The following OSBPL5 variants were observed in gnomAD, a reference collection of about 807,000 sequenced individuals.
OSBPL5 encodes the protein oxysterol-binding protein-related protein 5.
Under a neutral mutation model 111.2 loss-of-function variants are expected in OSBPL5, and 71 were observed. The ratio of observed to expected loss-of-function variants is 0.64; its 90% CI spans 0.53 to 0.78. The LOEUF (loss-of-function observed/expected upper bound fraction) is 0.78, where lower values mean the gene tolerates loss of function less well. OSBPL5 is among the 30% of genes least tolerant of loss of function. The pLI is 0.00. For synonymous variants in OSBPL5, 549 were observed against 513.9 expected (o/e 1.07, Z -0.93); for missense variants, 1,210 against 1,189.3 (o/e 1.02, Z -0.26).
In OSBPL5 at chr11:3,107,706, C is replaced by T. The variant is rs936533206; in HGVS notation, c.866+65G>A. ...GCAGTGGCTGGGGCTGTCCTCTCCCCTCTTCCTCGCCTACAAGGAGACCCC... is the reference window on the plus strand; with the variant it reads ...GCAGTGGCTGGGGCTGTCCTCTCCCTTCTTCCTCGCCTACAAGGAGACCCC... On this transcript the variant is annotated intron_variant, in intron 8 of 21. Transcript: ENST00000263650. This position sits in a 1 kb window ranked among gnomAD's most constrained non-coding sequence, Gnocchi z 6.1. 4 of 1,579,390 alleles carry T rather than the reference C, an allele frequency of 2.5e-6. No individual in the cohort carries two copies. In the African/African-American group the frequency reaches 4.0e-5, roughly 16 times the overall value.
At chr11:3,144,620 C>T (rs12277123) in intron 1 of OSBPL5, among the ~76,000 whole-genome samples, 1,846 of 152,336 alleles carry the variant, frequency 0.012, 21 homozygotes, top group Middle Eastern at 0.024. Context: ...GGCTGAGCAG[C>T]CACACACGTG....
intron 1 of OSBPL5, among the ~76,000 whole-genome samples, chr11:3,143,567 G>A (rs906683190): frequency 2.0e-5 from 3 of 152,244 alleles, no homozygotes; most frequent in African/African-American, 7.2e-5. Context: ...ACACGGATGA[G>A]CCGCAGAGAT....
chr11:3,102,973 G>C (rs76129254), intron 11 of OSBPL5, among the ~76,000 whole-genome samples: 22,458 of 152,222 alleles, frequency 0.15, 1,880 homozygotes, highest in Admixed American at 0.21. Context: ...TTTCTTGGGG[G>C]GTGGGGAAGG....
rs1179709597 is a variant in OSBPL5 at position 3,122,176 on chromosome 11, G to A, written c.301-78C>T. Reference sequence around the variant, plus strand: ...AGCTCCTCCCACCGTCCAGCCCAGGGATGGGTCCAGGGGCAGGGGCAGGAG... The same window carrying A: ...AGCTCCTCCCACCGTCCAGCCCAGGAATGGGTCCAGGGGCAGGGGCAGGAG... On this transcript the variant is annotated intron_variant, in intron 4 of 21. Coordinates refer to ENST00000263650, the MANE Select transcript of OSBPL5 (RefSeq NM_020896.4). 2.8e-6 allele frequency: 4 copies of A among 1,452,050 alleles called. No individual in the cohort carries two copies. In the African/African-American group the frequency reaches 4.2e-5, roughly 15 times the overall value. The allele number at this position is 1,452,050 out of a possible 1,614,324, so 89.9% of individuals were successfully genotyped here.
chr11:3,096,981 G>GATGGGAGAA (rs1857281119), intron 14 of OSBPL5, among the ~76,000 whole-genome samples: 1 of 146,298 alleles, frequency 6.8e-6, no homozygotes, highest in Non-Finnish European at 1.5e-5. Flanking sequence ...AGAGGGGGAA[G>GATGGGAGAA]GTGGGAGGAG....
At chr11:3,155,473 T>TC (rs1292777722) in intron 1 of OSBPL5, among the ~76,000 whole-genome samples, 27 of 125,166 alleles carry the variant, frequency 2.2e-4, no homozygotes, top group Non-Finnish European at 3.9e-4. Flanking sequence ...TGCCACTCAC[T>TC]CCCCCCAGCT....
Position 3,141,448 on chromosome 11 carries a change from C to A in OSBPL5, c.-21-12279G>T, listed in dbSNP as rs1238426519. On this transcript the variant is annotated intron_variant, in intron 1 of 21. Transcript: ENST00000263650. The surrounding 1 kb of genome is among the most constrained non-coding windows in gnomAD (Gnocchi z 6.5). ...CCTCAGAACAGAGCTTCCAGAAGGG[C>A]CCCCAATCTGTCTCTCAGGAAATGG... is the stretch of plus-strand genomic sequence containing the variant. 6.6e-6 allele frequency among the ~76,000 whole-genome samples: 1 copy of A among 152,122 alleles called. No homozygotes were observed. Among genetic ancestry groups the A allele is most frequent in the African/African-American group, 2.4e-5 (1 of 41,422 alleles).
intron 11 of OSBPL5, 30 bp from the exon 12 acceptor site, chr11:3,102,311 C>T (rs1215083198): frequency 6.4e-7 from 1 of 1,564,582 alleles, no homozygotes; most frequent in Non-Finnish European, 8.7e-7. Context: ...GTGTGAGGAG[C>T]CAGGTGGGTA....
Position 3,092,414 on chromosome 11 carries a change from G to T in OSBPL5, c.2259+18C>A. On this transcript the variant is annotated intron_variant, in intron 19 of 21. Transcript: ENST00000263650. This position sits in a 1 kb window ranked among gnomAD's most constrained non-coding sequence, Gnocchi z 5.4. ...TGCAGCTAAGACCAGCCCTGGGTGG[G>T]GCCTGTGGGGTGCTGACCTCGTGCC... is the stretch of plus-strand genomic sequence containing the variant. 1 of 1,567,342 alleles carries T rather than the reference G, an allele frequency of 6.4e-7. No individual in the cohort carries two copies. The highest frequency in any genetic ancestry group is 1.2e-5 in the South Asian group (1 of 85,420).
At position 3,141,535 on chromosome 11, in the gene OSBPL5, G is replaced by T. The variant is rs1846115455; in HGVS notation, c.-21-12366C>A. ...CCGCTGTGGTGGAGAGCTTGCCAAA[G>T]TGTTCAGGAAATGGCATTAATGGGG... On this transcript the variant is annotated intron_variant, in intron 1 of 21. Coordinates refer to ENST00000263650, the MANE Select transcript of OSBPL5 (RefSeq NM_020896.4). The surrounding 1 kb of genome is among the most constrained non-coding windows in gnomAD (Gnocchi z 6.5). 1.3e-5 allele frequency among the ~76,000 whole-genome samples: 2 copies of T among 152,210 alleles called. No homozygotes were observed. Among genetic ancestry groups the T allele is most frequent in the Admixed American group, 6.5e-5 (1 of 15,282 alleles).
intron 7 of OSBPL5, among the ~76,000 whole-genome samples, chr11:3,108,739 G>A (rs1001357628): frequency 3.3e-5 from 5 of 151,236 alleles, no homozygotes; most frequent in African/African-American, 1.2e-4. Flanking sequence ...TCTCGTGGTG[G>A]CCTGTGACAG....
rs1564830277 is a variant in OSBPL5, at chr11:3,103,801, CA to C, written c.1244+391del. Among the ~76,000 whole-genome samples the C allele has an allele frequency of 8.6e-5, 4 of 46,754 alleles. 1 individual carries two copies. Among genetic ancestry groups the C allele is most frequent in the Non-Finnish European group, 2.3e-4 (4 of 17,156 alleles). 30.7% of individuals were successfully genotyped at this position (46,754 alleles called of 152,430 possible). A position where few individuals can be genotyped will look rare whatever the true frequency, so the allele number is the denominator to read the frequency against. ...CCTCTGCAGTCCCTTCCTGCCTCTG[CA>C]GCCCTCTTCCTGCCTGCGCAGCCCC... On this transcript the variant is annotated intron_variant, in intron 10 of 21. Coordinates refer to ENST00000263650, the MANE Select transcript of OSBPL5 (RefSeq NM_020896.4).
rs112526647 is a variant in OSBPL5 at position 3,156,478 on chromosome 11, T to C, written c.-22+8738A>G. On this transcript the variant is annotated intron_variant, in intron 1 of 21. Coordinates refer to ENST00000263650, the MANE Select transcript of OSBPL5 (RefSeq NM_020896.4). ...CTGCATGTGTTTATGGATCCATCCA[T>C]ATATAGTAAAGCCCAAAGCCCGCCT... Among the ~76,000 whole-genome samples, 1,060 of 152,186 alleles carry C rather than the reference T, an allele frequency of 7.0e-3. 16 individuals carry two copies. The highest frequency in any genetic ancestry group is 0.024 in the African/African-American group (985 of 41,528).
At chr11:3,131,768 C>CCAT (rs1845800320) in intron 1 of OSBPL5, among the ~76,000 whole-genome samples, 1 of 109,946 alleles carries the variant, frequency 9.1e-6, no homozygotes, top group Non-Finnish European at 1.8e-5. Flanking sequence ...CCACCATCTT[C>CCAT]CCATCCATCC....
chr11:3,096,945 AGG>A (rs1857275830), intron 14 of OSBPL5, among the ~76,000 whole-genome samples: 4 of 9,028 alleles, frequency 4.4e-4, no homozygotes, highest in African/African-American at 3.7e-4. Context: ...GGAAAGAGGG[AGG>A]AGATGGGAGG....
Position 3,100,207 on chromosome 11 carries a change from C to T in OSBPL5, c.1572G>A (p.Leu524=), listed in dbSNP as rs369518276. The T allele has an allele frequency of 3.1e-6, 5 of 1,614,018 alleles. No individual in the cohort carries two copies. Among genetic ancestry groups the T allele is most frequent in the Non-Finnish European group, 4.2e-6 (5 of 1,180,042 alleles). ...TAAGGGTGTAATCCTCGGCTCGGTTCAGGAAGGTGAGCGTGGCTTTGCCGT... is the reference window on the plus strand; with the variant it reads ...TAAGGGTGTAATCCTCGGCTCGGTTTAGGAAGGTGAGCGTGGCTTTGCCGT... ...LLDGKATLTF[L]NRAEDYTLTM... The change falls in exon 14 of 22, where the codon CTG becomes CTA. Residue 524 remains leucine, a synonymous_variant. Coordinates refer to ENST00000263650, the MANE Select transcript of OSBPL5 (RefSeq NM_020896.4).
chr11:3,156,782 C>T (rs1046256352), intron 1 of OSBPL5, among the ~76,000 whole-genome samples: 2 of 152,398 alleles, frequency 1.3e-5, no homozygotes, highest in African/African-American at 2.4e-5. Flanking sequence ...CACTTCCACA[C>T]AGGCCGAGGG....
At chr11:3,091,918 A>G (rs1857069334) in intron 19 of OSBPL5, among the ~76,000 whole-genome samples, 1 of 152,070 alleles carries the variant, frequency 6.6e-6, no homozygotes, top group Admixed American at 6.5e-5. Context: ...GGTGCAGCTC[A>G]GCACACCTGG....
At position 3,113,928 on chromosome 11, in the gene OSBPL5, T is replaced by C. The variant is rs897019186; in HGVS notation, c.691+5619A>G. 1.3e-5 allele frequency among the ~76,000 whole-genome samples: 2 copies of C among 152,306 alleles called. No homozygotes were observed. The highest frequency in any genetic ancestry group is 2.9e-5 in the Non-Finnish European group (2 of 68,004). On this transcript the variant is annotated intron_variant, in intron 7 of 21. Transcript: ENST00000263650. This position sits in a 1 kb window ranked among gnomAD's most constrained non-coding sequence, Gnocchi z 4.8. Reference sequence around the variant, plus strand: ...GGTCAAATCTCTTTCACTGTCTCAGTTATAATTTTGCAATGGTGTTTCCAT... The same window carrying C: ...GGTCAAATCTCTTTCACTGTCTCAGCTATAATTTTGCAATGGTGTTTCCAT...
Sources: gnomAD v4.1 joint callset for allele counts (sites outside exome capture counted in the v4.1 genomes callset) on GRCh38, gnomAD v4.1.1 for gene constraint, Gnocchi (gnomAD v3.1) non-coding constraint, MANE v1.5 for transcripts, NCBI Gene and HGNC (gene_info 2026-07-23, HGNC 2026-07-21) for gene names.